The following STXBP4 variants were observed in gnomAD, a reference collection of about 807,000 sequenced individuals.
STXBP4 encodes the protein syntaxin binding protein 4, also known as syntaxin-binding protein 4.
A neutral mutation model predicts 76.1 loss-of-function variants in STXBP4; 55 were observed. The observed-to-expected ratio is 0.72, with a 90% CI of 0.58 to 0.91. STXBP4 has a LOEUF of 0.91. STXBP4 is among the 40% of genes least tolerant of loss of function. The pLI is 0.00. For missense variants in STXBP4, 618 were observed against 636.9 expected, an observed-to-expected ratio of 0.97 and a Z score of 0.32; for synonymous variants, 201 against 220.2, an observed-to-expected ratio of 0.91 and a Z score of 0.77.
intron 4 of STXBP4, among the ~76,000 whole-genome samples, chr17:54,998,275 A>G (rs571536508): frequency 4.6e-5 from 7 of 152,338 alleles, no homozygotes; most frequent in Non-Finnish European, 1.0e-4. Context: ...CTTAAGTACC[A>G]TCAAGGTGAA....
intron 16 of STXBP4, among the ~76,000 whole-genome samples, chr17:55,102,310 T>G (rs1343007379): frequency 6.6e-6 from 1 of 152,258 alleles, no homozygotes; most frequent in East Asian, 1.9e-4. Flanking sequence ...TAGTGTGTGA[T>G]GTTTCCCTCC....
At chr17:55,102,185 G>A (rs1449384437) in intron 16 of STXBP4, among the ~76,000 whole-genome samples, 1 of 150,568 alleles carries the variant, frequency 6.6e-6, no homozygotes, top group Admixed American at 6.6e-5. Flanking sequence ...TTGCAGTGTT[G>A]TTACATGGGT....
In STXBP4 at chr17:55,167,877, A is replaced by G. The variant is rs2080384656; in HGVS notation, c.*7966A>G. ...ACACACGAGAAGAGACAACAGGAAG[A>G]CAAAACAAATTGAGTAGATAATAAA... On this transcript the variant is annotated 3_prime_UTR_variant, in exon 18 of 18. Transcript: ENST00000376352. 2 of 152,196 alleles carry G rather than the reference A, an allele frequency of 1.3e-5. No individual in the cohort carries two copies. Among genetic ancestry groups the G allele is most frequent in the African/African-American group, 2.4e-5 (1 of 41,462 alleles). 9.4% of individuals were successfully genotyped at this position (152,196 alleles called of 1,614,324 possible).
Position 55,165,943 on chromosome 17 carries a change from T to C in STXBP4, c.*6032T>C, listed in dbSNP as rs897942393. 1 of 152,204 alleles carries C rather than the reference T, an allele frequency of 6.6e-6. No individual in the cohort carries two copies. The highest frequency in any genetic ancestry group is 6.5e-5 in the Admixed American group (1 of 15,292). 9.4% of individuals were successfully genotyped at this position (152,204 alleles called of 1,614,324 possible). A position where few individuals can be genotyped will look rare whatever the true frequency, so the allele number is the denominator to read the frequency against. ...AGCCTCCAGAGCTGTGAACAATACA[T>C]TTATATTGTTTATAAATTACCCAGT... On this transcript the variant is annotated 3_prime_UTR_variant, in exon 18 of 18. Transcript: ENST00000376352.
chr17:55,089,839 A>G lies in STXBP4; in HGVS notation c.1489+8656A>G, dbSNP rs531921158. ...AAAGAGAATATATTGACTTCTTGTT[A>G]AATTGACAGCATAAGCACAGGCCTT... On this transcript the variant is annotated intron_variant, in intron 16 of 17. Transcript: ENST00000376352. Among the ~76,000 whole-genome samples, 141 of 152,320 alleles carry G rather than the reference A, an allele frequency of 9.3e-4. 4 individuals carry two copies. In the South Asian group the frequency reaches 0.028, roughly 31 times the overall value.
rs2080335676 is a variant in STXBP4, at chr17:55,161,387, C to CT, written c.*1476_*1477insT. Reference sequence around the variant, plus strand: ...TCGGGGAGACAAGTTTTGAGAGAAGCCCCAGAGGGAGCTATTTCCTTGCAC... The same window carrying CT: ...TCGGGGAGACAAGTTTTGAGAGAAGCTCCCAGAGGGAGCTATTTCCTTGCAC... On this transcript the variant is annotated 3_prime_UTR_variant, in exon 18 of 18. Transcript: ENST00000376352. The CT allele has an allele frequency of 6.6e-6, 1 of 152,126 alleles. No individual in the cohort carries two copies. The allele number at this position is 152,126 out of a possible 1,614,324, so 9.4% of individuals were successfully genotyped here. A position where few individuals can be genotyped will look rare whatever the true frequency, so the allele number is the denominator to read the frequency against.
intron 16 of STXBP4, among the ~76,000 whole-genome samples, chr17:55,110,186 A>T (rs2079695443): frequency 6.6e-6 from 1 of 151,930 alleles, no homozygotes; most frequent in Non-Finnish European, 1.5e-5. Flanking sequence ...CATCACTCTG[A>T]CACTGACTCT....
chr17:55,117,053 T>C (rs936301791), intron 16 of STXBP4, among the ~76,000 whole-genome samples: 1 of 151,854 alleles, frequency 6.6e-6, no homozygotes, highest in African/African-American at 2.4e-5. Flanking sequence ...ATTTAAAGAT[T>C]TACTCTTAAG....
intron 3 of STXBP4, among the ~76,000 whole-genome samples, chr17:54,989,684 C>T (rs2077685083): frequency 6.6e-6 from 1 of 152,170 alleles, no homozygotes; most frequent in South Asian, 2.1e-4. Context: ...AGTAAACAGG[C>T]AGCCCTAAAT....
chr17:55,033,802 G>A (rs577720675), intron 9 of STXBP4, among the ~76,000 whole-genome samples: 44 of 152,260 alleles, frequency 2.9e-4, no homozygotes, highest in Admixed American at 9.8e-4. Context: ...ATTATCTGCT[G>A]CTATTAATAA....
intron 16 of STXBP4, among the ~76,000 whole-genome samples, chr17:55,106,420 G>T (rs536874657): frequency 2.0e-5 from 3 of 151,714 alleles, no homozygotes; most frequent in East Asian, 1.9e-4. Flanking sequence ...TATCCAATTT[G>T]CCCACCTTTG....
the STXBP4 span, among the ~76,000 whole-genome samples, chr17:55,206,584 C>A: frequency 1.3e-5 from 2 of 152,016 alleles, no homozygotes; most frequent in East Asian, 3.9e-4. Context: ...CAGCTGAGTA[C>A]GGTGGCTCAT....
chr17:55,086,686 T>C (rs759987223), intron 16 of STXBP4, among the ~76,000 whole-genome samples: 3 of 152,160 alleles, frequency 2.0e-5, no homozygotes, highest in Non-Finnish European at 4.4e-5. Context: ...CACACTAAGG[T>C]TGATTCCATA....
intron 11 of STXBP4, among the ~76,000 whole-genome samples, chr17:55,046,502 ATAAT>A (rs1426131809): frequency 6.6e-6 from 1 of 151,960 alleles, no homozygotes; most frequent in African/African-American, 2.4e-5. Flanking sequence ...TATTTAAGAT[ATAAT>A]TAATAAAAAT....
At chr17:55,137,392 T>C (rs1276039744) in intron 16 of STXBP4, among the ~76,000 whole-genome samples, 2 of 150,362 alleles carry the variant, frequency 1.3e-5, no homozygotes, top group African/African-American at 4.9e-5. Flanking sequence ...GTTTTTCAAA[T>C]ACATCTGACT....
At chr17:54,973,303 G>A (rs1334453790) in intron 1 of STXBP4, among the ~76,000 whole-genome samples, 2 of 152,192 alleles carry the variant, frequency 1.3e-5, no homozygotes, top group African/African-American at 4.8e-5. Flanking sequence ...CTTTGCAACG[G>A]ATGACAACAA....
the STXBP4 span, among the ~76,000 whole-genome samples, chr17:55,203,401 T>C: frequency 2.6e-5 from 4 of 152,300 alleles, no homozygotes; most frequent in East Asian, 3.9e-4. Context: ...TATCATTGCA[T>C]TGATGTCATT....
chr17:55,098,141 T>A (rs16955572), intron 16 of STXBP4, among the ~76,000 whole-genome samples: 3,230 of 152,296 alleles, frequency 0.021, 126 homozygotes, highest in African/African-American at 0.074. Flanking sequence ...TAATGAACAA[T>A]TTCTACTAAT....
At chr17:55,110,314 A>T (rs1270166826) in intron 16 of STXBP4, among the ~76,000 whole-genome samples, 1 of 152,200 alleles carries the variant, frequency 6.6e-6, no homozygotes, top group Admixed American at 6.5e-5. Context: ...TTCCTTTGCC[A>T]TGTTACATAA....
Sources: allele counts gnomAD v4.1 joint callset (sites outside exome capture counted in the v4.1 genomes callset), GRCh38; gene constraint gnomAD v4.1.1; transcripts MANE v1.5; gene names NCBI Gene and HGNC (gene_info 2026-07-23, HGNC 2026-07-21).